The following MEF2C variants were observed in gnomAD, a reference collection of about 807,000 sequenced individuals.
MEF2C encodes the protein myocyte-specific enhancer factor 2C.
A neutral mutation model predicts 50.5 loss-of-function variants in MEF2C; 6 were observed. The ratio of observed to expected loss-of-function variants is 0.12; its 90% CI spans 0.07 to 0.23. MEF2C has a LOEUF of 0.23. Among genes scored for constraint, MEF2C ranks in the 10% least tolerant of loss-of-function variants. The probability of loss-of-function intolerance (pLI) is 1.00; values close to 1 mark genes in which losing one functional copy is unlikely to be tolerated. For synonymous variants in MEF2C, 183 were observed against 228.0 expected (o/e 0.80, Z 1.78); for missense variants, 276 against 605.0 (o/e 0.46, Z 5.70).
intron 3 of MEF2C, among the ~76,000 whole-genome samples, chr5:88,762,069 A>G (rs1778121800): frequency 6.6e-6 from 1 of 152,200 alleles, no homozygotes; most frequent in African/African-American, 2.4e-5. Context: ...AACCAAGTCA[A>G]TAACTACCAA....
chr5:88,750,882 T>C (rs932682112), intron 5 of MEF2C, among the ~76,000 whole-genome samples: 14 of 152,216 alleles, frequency 9.2e-5, no homozygotes, highest in Non-Finnish European at 1.8e-4. Flanking sequence ...ATGAATAAAC[T>C]ATTTTCATAC....
At chr5:88,888,715 G>A (rs1458736640) in intron 1 of MEF2C, among the ~76,000 whole-genome samples, 1 of 134,228 alleles carries the variant, frequency 7.5e-6, no homozygotes, top group African/African-American at 2.9e-5. Flanking sequence ...GAAAGGTATG[G>A]TAAGGTTTTT....
At chr5:88,757,803 C>A (rs1309260330) in intron 4 of MEF2C, among the ~76,000 whole-genome samples, 1 of 152,110 alleles carries the variant, frequency 6.6e-6, no homozygotes, top group East Asian at 1.9e-4. Flanking sequence ...GTAGTCCCAG[C>A]TACTTGGGAG....
chr5:88,862,071 G>T (rs894694196), intron 1 of MEF2C, among the ~76,000 whole-genome samples: 17 of 152,110 alleles, frequency 1.1e-4, no homozygotes, highest in African/African-American at 3.4e-4. Flanking sequence ...TAAGTACCTG[G>T]TTTGTGAAGG....
chr5:88,826,432 T>C lies in MEF2C; in HGVS notation c.-142-2502A>G, dbSNP rs796140745. On this transcript the variant is annotated intron_variant, in intron 1 of 10. Transcript: ENST00000504921. ...TGAAGTACACGTGCAGAGTAATATG[T>C]GGTGATGATGACACTAAGTAACTGG... 5.3e-5 allele frequency among the ~76,000 whole-genome samples: 8 copies of C among 152,036 alleles called. 1 individual carries two copies. The highest frequency in any genetic ancestry group is 1.9e-4 in the African/African-American group (8 of 41,506).
chr5:88,827,972 C>T (rs868751040), intron 1 of MEF2C, among the ~76,000 whole-genome samples: 18 of 150,822 alleles, frequency 1.2e-4, no homozygotes, highest in Middle Eastern at 3.4e-3. Flanking sequence ...TTGAGTTTCT[C>T]GAGGTTCTTT....
intron 4 of MEF2C, among the ~76,000 whole-genome samples, chr5:88,755,160 C>T (rs758938612): frequency 7.2e-5 from 11 of 152,084 alleles, no homozygotes; most frequent in East Asian, 3.9e-4. Context: ...TCTTATTATA[C>T]GAACTTAATA....
In MEF2C at chr5:88,717,839, G is replaced by A. The variant is rs765763074; in HGVS notation, c.*4765C>T. 6.6e-5 allele frequency: 10 copies of A among 151,876 alleles called. No individual in the cohort carries two copies. Among genetic ancestry groups the A allele is most frequent in the African/African-American group, 1.7e-4 (7 of 41,360 alleles). 9.4% of individuals were successfully genotyped at this position (151,876 alleles called of 1,614,324 possible). ...GTTTTCAACTTTTAGAAATTACTTC[G>A]AAGAAGAAAAAAGGAACTCTTTTGG... On this transcript the variant is annotated 3_prime_UTR_variant, in exon 11 of 11. Transcript: ENST00000504921.
In MEF2C at chr5:88,717,380, T is replaced by C. The variant is rs1227483245; in HGVS notation, c.*5224A>G. The C allele has an allele frequency of 6.6e-6, 1 of 152,228 alleles. No individual in the cohort carries two copies. The highest frequency in any genetic ancestry group is 1.9e-4 in the East Asian group (1 of 5,204). The allele number at this position is 152,228 out of a possible 1,614,324, so 9.4% of individuals were successfully genotyped here. On this transcript the variant is annotated 3_prime_UTR_variant, in exon 11 of 11. Coordinates refer to ENST00000504921, the MANE Select transcript of MEF2C (RefSeq NM_002397.5). Reference sequence around the variant, plus strand: ...CAGGATGGCCAAAGTGGCTCCCTCATAGCACTTTGTAGACTTCCCTGAGAA... The same window carrying C: ...CAGGATGGCCAAAGTGGCTCCCTCACAGCACTTTGTAGACTTCCCTGAGAA...
intron 3 of MEF2C, among the ~76,000 whole-genome samples, chr5:88,786,202 T>G (rs1790813252): frequency 6.6e-6 from 1 of 152,198 alleles, no homozygotes; most frequent in Non-Finnish European, 1.5e-5. Flanking sequence ...TCCAGGCATT[T>G]CAGCTGCTTT....
chr5:88,823,268 G>A (rs1809307654), intron 2 of MEF2C, among the ~76,000 whole-genome samples: 1 of 151,904 alleles, frequency 6.6e-6, no homozygotes, highest in Non-Finnish European at 1.5e-5. Context: ...ATGTTAAAAT[G>A]TTTGGATGTG....
chr5:88,886,927 C>T (rs752437124), upstream of MEF2C, among the ~76,000 whole-genome samples: 1 of 152,304 alleles, frequency 6.6e-6, no homozygotes, highest in East Asian at 1.9e-4. Context: ...ATTAAAGCAG[C>T]GGTCCACTAA....
chr5:88,751,853 A>G lies in MEF2C; in HGVS notation c.589+4T>C. On this transcript the variant is annotated splice_donor_region_variant and intron_variant, in intron 5 of 10. Coordinates refer to ENST00000504921, the MANE Select transcript of MEF2C (RefSeq NM_002397.5). Reference sequence around the variant, plus strand: ...GTTAGCATTACATCCTTATGAGGACATACCTGTGTTACCTGCACTTGGAGG... The same window carrying G: ...GTTAGCATTACATCCTTATGAGGACGTACCTGTGTTACCTGCACTTGGAGG... The G allele has an allele frequency of 6.2e-7, 1 of 1,613,752 alleles. No homozygotes were observed. The highest frequency in any genetic ancestry group is 2.2e-5 in the East Asian group (1 of 44,886).
At chr5:88,733,051 G>A in intron 6 of MEF2C, 1 of 983,076 alleles carries the variant, frequency 1.0e-6, no homozygotes, top group Non-Finnish European at 1.2e-6. Flanking sequence ...CATACTCATG[G>A]AAAACATAAA....
rs1281679717 is a variant in MEF2C, at chr5:88,830,339, A to G, written c.-142-6409T>C. Among the ~76,000 whole-genome samples, 4 of 152,052 alleles carry G rather than the reference A, an allele frequency of 2.6e-5. No individual in the cohort carries two copies. In the East Asian group the frequency reaches 7.7e-4, roughly 29 times the overall value. On this transcript the variant is annotated intron_variant, in intron 1 of 10. Transcript: ENST00000504921. The stretch of plus-strand genomic sequence containing the variant: ...TGTATGTCAGAAATATAATAAGGCT[A>G]AAAAGGAACTCGTTTTCTTAACCCC...
At chr5:88,748,033 G>A in intron 6 of MEF2C, 1 of 982,660 alleles carries the variant, frequency 1.0e-6, no homozygotes, top group Non-Finnish European at 1.2e-6. Flanking sequence ...TATTCATCTT[G>A]TTTGCTAATC....
intron 1 of MEF2C, among the ~76,000 whole-genome samples, chr5:88,873,419 G>C (rs145695351): frequency 6.6e-6 from 1 of 152,098 alleles, no homozygotes; most frequent in East Asian, 1.9e-4. Flanking sequence ...TTGCTTTCAC[G>C]ATACCAAATA....
At chr5:88,797,455 CTTTTTTTTTTTTTT>C (rs879036291) in intron 3 of MEF2C, among the ~76,000 whole-genome samples, 2 of 63,286 alleles carry the variant, frequency 3.2e-5, no homozygotes, top group African/African-American at 1.5e-4. Context: ...CAACCCTTGC[CTTTTTTTTTTTTTT>C]TTTTTTTTTT....
At chr5:88,735,399 C>T (rs892157248) in intron 6 of MEF2C, 14 of 985,242 alleles carry the variant, frequency 1.4e-5, no homozygotes, top group Non-Finnish European at 1.6e-5. Flanking sequence ...TCAATTTAGA[C>T]GTGACTGTAT....
Sources: gnomAD v4.1 joint callset for allele counts (sites outside exome capture counted in the v4.1 genomes callset) on GRCh38, gnomAD v4.1.1 for gene constraint, MANE v1.5 for transcripts, NCBI Gene and HGNC (gene_info 2026-07-23, HGNC 2026-07-21) for gene names.